The following COL4A3 variants were observed in gnomAD, a reference collection of about 807,000 sequenced individuals.
COL4A3 encodes the protein collagen alpha-3(IV) chain.
In COL4A3, 135 loss-of-function variants were observed where a neutral mutation model predicts 217.4. The ratio of observed to expected loss-of-function variants is 0.62; its 90% CI spans 0.54 to 0.72. The LOEUF (loss-of-function observed/expected upper bound fraction) is 0.72, where lower values mean the gene tolerates loss of function less well. Among genes scored for constraint, COL4A3 ranks in the 30% least tolerant of loss-of-function variants. COL4A3 has a pLI of 0.00. For missense variants in COL4A3, 1,868 were observed against 2,119.9 expected, an observed-to-expected ratio of 0.88 and a Z score of 2.33; for synonymous variants, 690 against 736.3, an observed-to-expected ratio of 0.94 and a Z score of 1.02.
chr2:227,219,308 C>T (rs2067664470), intron 1 of COL4A3, among the ~76,000 whole-genome samples: 2 of 152,086 alleles, frequency 1.3e-5, no homozygotes, highest in Non-Finnish European at 2.9e-5. Context: ...GCCCCTTGGT[C>T]CCATTATTTC....
intron 1 of COL4A3, among the ~76,000 whole-genome samples, chr2:227,180,075 G>A (rs1397016581): frequency 1.3e-5 from 2 of 152,190 alleles, no homozygotes; most frequent in Non-Finnish European, 1.5e-5. Flanking sequence ...TTACTGGGCG[G>A]TGCGGTGCTT....
intron 17 of COL4A3, among the ~76,000 whole-genome samples, chr2:227,257,162 G>A (rs2125945131): frequency 6.6e-6 from 1 of 152,282 alleles, no homozygotes; most frequent in South Asian, 2.1e-4. Flanking sequence ...AGGTATATGT[G>A]CAGAGTCAAG....
chr2:227,203,285 A>ATGTG (rs2066897492), intron 1 of COL4A3, among the ~76,000 whole-genome samples: 2 of 90,338 alleles, frequency 2.2e-5, no homozygotes, highest in Non-Finnish European at 4.5e-5. Flanking sequence ...ATGTGTATAT[A>ATGTG]TACATATATG....
rs1179054632 is a variant in COL4A3, at chr2:227,282,553, A to G, written c.2656+21A>G. 6.2e-7 allele frequency: 1 copy of G among 1,610,030 alleles called. No homozygotes were observed. Among genetic ancestry groups the G allele is most frequent in the Non-Finnish European group, 8.5e-7 (1 of 1,177,160 alleles). The stretch of plus-strand genomic sequence containing the variant: ...ACCAGGTATCCTTTTGTGTGTTTCT[A>G]TTTTTCTTCTTATTTCTTCTTCTTC... On this transcript the variant is annotated intron_variant, in intron 32 of 51. Coordinates refer to ENST00000396578, the MANE Select transcript of COL4A3 (RefSeq NM_000091.5). This position sits in a 1 kb window ranked among gnomAD's most constrained non-coding sequence, Gnocchi z 4.4.
chr2:227,221,167 G>A (rs2067764450), intron 1 of COL4A3: 1 of 152,208 alleles, frequency 6.6e-6, no homozygotes, highest in African/African-American at 2.4e-5. Flanking sequence ...TACCATTGCA[G>A]TGGTCTCATC....
intron 43 of COL4A3, among the ~76,000 whole-genome samples, chr2:227,299,427 T>C (rs918646328): frequency 2.0e-5 from 3 of 152,048 alleles, no homozygotes; most frequent in African/African-American, 7.2e-5. Flanking sequence ...TCAGATCTCA[T>C]GAGAACTCAC....
rs2072046668 is a variant in COL4A3, at chr2:227,282,479, G to A, written c.2603G>A (p.Gly868Glu). ...ATTCCAGGTCATCAAGGTGAAATGG[G>A]ACCACTGGGTCAAAGAGGATATCCA... ...PGIPGHQGEMGPLGQRGYPGN... is the reference protein window; with the variant it reads ...PGIPGHQGEMEPLGQRGYPGN... Residue 868 changes from glycine to glutamate, a missense_variant, in exon 32 of 52, where the codon GGA (glycine) becomes GAA (glutamate). Around this residue, in one of 2 missense-constraint regions of COL4A3, gnomAD observed 1,503 missense variants for 1,786.1 expected, o/e 0.84. Transcript: ENST00000396578. The surrounding 1 kb of genome is among the most constrained non-coding windows in gnomAD (Gnocchi z 4.4). 1.2e-6 allele frequency: 2 copies of A among 1,613,816 alleles called. No individual in the cohort carries two copies. The highest frequency in any genetic ancestry group is 1.7e-6 in the Non-Finnish European group (2 of 1,179,938).
intron 1 of COL4A3, among the ~76,000 whole-genome samples, chr2:227,178,570 T>A (rs2065768044): frequency 6.6e-6 from 1 of 152,132 alleles, no homozygotes; most frequent in South Asian, 2.1e-4. Context: ...AGTCACTCCA[T>A]TGCCCAGGCT....
At position 227,285,762 on chromosome 2, in the gene COL4A3, T is replaced by C. The variant is rs2072280855; in HGVS notation, c.2881+1417T>C. ...CAGAAGGACACATGATATGGGGCTATTTCTATACTTCCAACAAAACTCTTT... is the reference window on the plus strand; with the variant it reads ...CAGAAGGACACATGATATGGGGCTACTTCTATACTTCCAACAAAACTCTTT... On this transcript the variant is annotated intron_variant, in intron 34 of 51. Coordinates refer to ENST00000396578, the MANE Select transcript of COL4A3 (RefSeq NM_000091.5). 2.6e-5 allele frequency among the ~76,000 whole-genome samples: 4 copies of C among 152,224 alleles called. No homozygotes were observed. The South Asian group carries it at 8.3e-4, about 31-fold the overall frequency.
intron 34 of COL4A3, among the ~76,000 whole-genome samples, chr2:227,287,952 A>G (rs1415722753): frequency 6.6e-6 from 1 of 152,264 alleles, no homozygotes; most frequent in Non-Finnish European, 1.5e-5. Context: ...ATGTGAATGA[A>G]TAAGTACATA....
At chr2:227,176,630 C>A (rs1483295137) in intron 1 of COL4A3, among the ~76,000 whole-genome samples, 1 of 152,240 alleles carries the variant, frequency 6.6e-6, no homozygotes, top group East Asian at 1.9e-4. Flanking sequence ...AAAATGAGTT[C>A]AAGTGTATTT....
chr2:227,220,452 G>A (rs1209088757), intron 1 of COL4A3, among the ~76,000 whole-genome samples: 4 of 151,734 alleles, frequency 2.6e-5, no homozygotes, highest in African/African-American at 9.7e-5. Context: ...CAAAGTGCTG[G>A]GATTGCAGGC....
intron 1 of COL4A3, among the ~76,000 whole-genome samples, chr2:227,219,564 A>C (rs1355324362): frequency 6.6e-6 from 1 of 152,222 alleles, no homozygotes; most frequent in Non-Finnish European, 1.5e-5. Context: ...CAAAATGTCT[A>C]AAATATCCAA....
At chr2:227,168,425 T>C (rs976716903) in intron 1 of COL4A3, among the ~76,000 whole-genome samples, 2 of 152,236 alleles carry the variant, frequency 1.3e-5, no homozygotes, top group East Asian at 3.8e-4. Context: ...TGGCCCTTTA[T>C]ATTTCCTTCA....
At chr2:227,288,293 C>T (rs758883228) in intron 34 of COL4A3, among the ~76,000 whole-genome samples, 6 of 152,098 alleles carry the variant, frequency 3.9e-5, no homozygotes, top group Non-Finnish European at 7.4e-5. Flanking sequence ...GACAGGGTTT[C>T]ACCATGTTGG....
chr2:227,277,172 A>T (rs1282244009), intron 27 of COL4A3, among the ~76,000 whole-genome samples: 1 of 152,076 alleles, frequency 6.6e-6, no homozygotes, highest in Non-Finnish European at 1.5e-5. Flanking sequence ...ACAAAAAATT[A>T]GCCGGGCGTG....
intron 1 of COL4A3, among the ~76,000 whole-genome samples, chr2:227,189,597 A>G (rs542680147): frequency 4.6e-5 from 7 of 152,306 alleles, no homozygotes; most frequent in Admixed American, 1.3e-4. Context: ...CCATTTCACT[A>G]TATTAGTATG....
At chr2:227,166,524 C>A (rs919411009) in intron 1 of COL4A3, among the ~76,000 whole-genome samples, 1 of 152,166 alleles carries the variant, frequency 6.6e-6, no homozygotes, top group Admixed American at 6.5e-5. Flanking sequence ...TGCTTGGGGA[C>A]CATGCAAACT....
At chr2:227,200,843 A>T (rs2066657714) in intron 1 of COL4A3, among the ~76,000 whole-genome samples, 1 of 152,204 alleles carries the variant, frequency 6.6e-6, no homozygotes, top group Non-Finnish European at 1.5e-5. Flanking sequence ...GAACAATTAC[A>T]TGTTCAATTA....
Sources: allele counts gnomAD v4.1 joint callset (sites outside exome capture counted in the v4.1 genomes callset), GRCh38; gene constraint gnomAD v4.1.1; regional missense constraint gnomAD v4.1.1; non-coding constraint Gnocchi (gnomAD v3.1); transcripts MANE v1.5; gene names NCBI Gene and HGNC (gene_info 2026-07-23, HGNC 2026-07-21).